Variants in NRK observed in about 807,000 individuals in gnomAD.
NRK encodes Nik related kinase.
A neutral mutation model predicts 125.2 loss-of-function variants in NRK; 67 were observed. That is an observed-to-expected ratio of 0.54 (90% CI 0.44 to 0.66). The LOEUF (loss-of-function observed/expected upper bound fraction) is 0.66, where lower values mean the gene tolerates loss of function less well. NRK is among the 30% of genes least tolerant of loss of function. The probability of loss-of-function intolerance (pLI) is 0.00; values close to 1 mark genes in which losing one functional copy is unlikely to be tolerated. For synonymous variants in NRK, 458 were observed against 429.0 expected (o/e 1.07, Z -0.84); for missense variants, 1,224 against 1,192.9 (o/e 1.03, Z -0.38).
chrX:105,863,357 C>CACACACACACACACACACAT (rs372176349), intron 2 of NRK, among the ~76,000 whole-genome samples: 27 of 106,519 alleles, frequency 2.5e-4, no homozygotes, highest in African/African-American at 9.3e-4. Context: ...CACACACACA[C>CACACACACACACACACACAT]ATACTATTTT....
In NRK at chrX:105,909,337, G is replaced by A. The variant is rs1337295187; in HGVS notation, c.1696G>A (p.Ala566Thr). ...ACAGCCAGAGGTACAGGAACAGGCT[G>A]CCGAGCCTGCACAGGCAGAGACTGA... Reference protein sequence around the residue: ...PEQPEVQEQAAEPAQAETEAE... With the variant: ...PEQPEVQEQATEPAQAETEAE... The change falls in exon 13 of 29, where the codon GCC (alanine) becomes ACC (threonine). Residue 566 changes from alanine to threonine, a missense_variant. Ala to Thr is a moderately conservative substitution (Grantham distance 58). Transcript: ENST00000243300. 2.5e-6 allele frequency: 3 copies of A among 1,205,451 alleles called. No homozygotes were observed. Among genetic ancestry groups the A allele is most frequent in the Non-Finnish European group, 3.4e-6 (3 of 891,484 alleles).
chrX:105,906,641 A>G (rs1326544088), intron 11 of NRK, 52 bp downstream of exon 11: 10 of 661,257 alleles, frequency 1.5e-5, no homozygotes, highest in African/African-American at 2.3e-5. Flanking sequence ...GAGTTTATTC[A>G]TGTATTGTTT....
chrX:105,880,153 G>A, intron 2 of NRK, 46 bp from the exon 3 acceptor site: 1 of 643,539 alleles, frequency 1.6e-6, no homozygotes. Flanking sequence ...TTGATAGCTG[G>A]ATTACCTAGC....
chrX:105,951,001 A>G (rs1395629175), intron 27 of NRK, among the ~76,000 whole-genome samples: 1 of 108,792 alleles, frequency 9.2e-6, no homozygotes, highest in Non-Finnish European at 1.9e-5. Context: ...CATCTGCAGA[A>G]TCCTTCTTCT....
intron 2 of NRK, among the ~76,000 whole-genome samples, chrX:105,853,324 A>C (rs2039495530): frequency 8.9e-6 from 1 of 112,061 alleles, no homozygotes; most frequent in Non-Finnish European, 1.9e-5. Context: ...TTTCCGATGC[A>C]TGCACCAGAT....
chrX:105,943,603 G>A (rs2040774431), intron 23 of NRK, among the ~76,000 whole-genome samples: 1 of 112,116 alleles, frequency 8.9e-6, no homozygotes, highest in Non-Finnish European at 1.9e-5. Flanking sequence ...AATCTATGGA[G>A]ACAATTTTGG....
chrX:105,879,589 AT>A (rs761201782), intron 2 of NRK, among the ~76,000 whole-genome samples: 125 of 111,158 alleles, frequency 1.1e-3, no homozygotes, highest in African/African-American at 3.8e-3. Flanking sequence ...TTTTATAAAT[AT>A]TTTTGGTTCA....
rs762178236 is a variant in NRK at position 105,840,092 on chromosome X, C to T, written c.123+8973C>T. 7.2e-5 allele frequency among the ~76,000 whole-genome samples: 8 copies of T among 111,651 alleles called. No homozygotes were observed. In the East Asian group the frequency reaches 2.2e-3, roughly 31 times the overall value. On this transcript the variant is annotated intron_variant, in intron 2 of 28. Coordinates refer to ENST00000243300, the MANE Select transcript of NRK (RefSeq NM_198465.4). The stretch of plus-strand genomic sequence containing the variant: ...GAAAAATGGAATATTTCTATCTTGG[C>T]CGTGACAACTCTCCAACTGTGGAAT...
intron 5 of NRK, among the ~76,000 whole-genome samples, chrX:105,889,822 A>T (rs1271308775): frequency 1.8e-5 from 2 of 111,878 alleles, no homozygotes; most frequent in African/African-American, 6.5e-5. Context: ...CAGCAAGAGG[A>T]CCCTGGGCCT....
intron 27 of NRK, among the ~76,000 whole-genome samples, chrX:105,950,507 AAAT>A (rs1457363767): frequency 9.7e-6 from 1 of 102,787 alleles, no homozygotes; most frequent in Non-Finnish European, 2.0e-5. Flanking sequence ...TTAATGGAGA[AAAT>A]AAAGGAAAAA....
At chrX:105,919,052 G>A (rs1322602425) in intron 16 of NRK, among the ~76,000 whole-genome samples, 5 of 107,695 alleles carry the variant, frequency 4.6e-5, no homozygotes, top group African/African-American at 1.7e-4. Flanking sequence ...TCAGAAGATG[G>A]GGACACAAAT....
chrX:105,952,907 A>C, intron 27 of NRK, 127 bp from the exon 28 acceptor site: 1 of 540,391 alleles, frequency 1.9e-6, no homozygotes, highest in Non-Finnish European at 2.7e-6. Flanking sequence ...GGAGGGAAAA[A>C]CAGGATGTGC....
chrX:105,878,629 G>A (rs2039845587), intron 2 of NRK, among the ~76,000 whole-genome samples: 1 of 106,281 alleles, frequency 9.4e-6, no homozygotes, highest in African/African-American at 3.4e-5. Context: ...AAGACTTTAG[G>A]TTAAACAGAC....
intron 19 of NRK, among the ~76,000 whole-genome samples, chrX:105,932,842 T>C (rs1159004825): frequency 9.0e-6 from 1 of 111,694 alleles, no homozygotes; most frequent in Non-Finnish European, 1.9e-5. Flanking sequence ...GGCAGAGTTA[T>C]ATATCCCTTC....
chrX:105,879,361 T>C (rs2039857502), intron 2 of NRK, among the ~76,000 whole-genome samples: 1 of 110,993 alleles, frequency 9.0e-6, no homozygotes, highest in Non-Finnish European at 1.9e-5. Flanking sequence ...AGGCATTCTA[T>C]TTATTACTCA....
chrX:105,891,469 C>T (rs1031644469), intron 5 of NRK, among the ~76,000 whole-genome samples: 3 of 111,905 alleles, frequency 2.7e-5, no homozygotes, highest in East Asian at 2.8e-4. Context: ...AAAATAATGA[C>T]TAAAGCTTTT....
At chrX:105,891,388 G>T (rs2040014662) in intron 5 of NRK, among the ~76,000 whole-genome samples, 1 of 111,811 alleles carries the variant, frequency 8.9e-6, no homozygotes, top group Admixed American at 9.5e-5. Flanking sequence ...ATATAAGGTG[G>T]GGTTAGTATA....
chrX:105,823,287 ACTC>A (rs776929136), intron 1 of NRK, among the ~76,000 whole-genome samples: 22 of 110,327 alleles, frequency 2.0e-4, no homozygotes, highest in Non-Finnish European at 3.2e-4. Flanking sequence ...TCCTGAGAGT[ACTC>A]CTCCTTCCTG....
intron 1 of NRK, among the ~76,000 whole-genome samples, chrX:105,826,401 A>ATAAT (rs773137605): frequency 1.3e-5 from 1 of 77,849 alleles, no homozygotes; most frequent in African/African-American, 4.9e-5. Context: ...ATATATATAT[A>ATAAT]ATATATATAT....
Sources: gnomAD v4.1 joint callset for allele counts (sites outside exome capture counted in the v4.1 genomes callset) on GRCh38, gnomAD v4.1.1 for gene constraint, MANE v1.5 for transcripts, NCBI Gene and HGNC (gene_info 2026-07-23, HGNC 2026-07-21) for gene names.